Variants in SMOC1 observed in about 807,000 individuals in gnomAD.
SMOC1 encodes the protein SPARC-related modular calcium-binding protein 1.
A neutral mutation model predicts 56.3 loss-of-function variants in SMOC1; 22 were observed. That is an observed-to-expected ratio of 0.39 (90% CI 0.28 to 0.56). The LOEUF (loss-of-function observed/expected upper bound fraction) is 0.56. Among genes scored for constraint, SMOC1 ranks in the 20% least tolerant of loss-of-function variants. The pLI, the probability that SMOC1 is intolerant of heterozygous loss-of-function variation, is 0.61. For synonymous variants in SMOC1, 193 were observed against 215.0 expected, an observed-to-expected ratio of 0.90 and a Z score of 0.89; for missense variants, 509 against 565.4, an observed-to-expected ratio of 0.90 and a Z score of 1.01.
chr14:69,992,486 A>G lies in SMOC1; in HGVS notation c.583+13A>G. Reference sequence around the variant, plus strand: ...TTCGATGGAGATGGTAAGATCTTGCATTACTTCTGATGTTCATTCTCCCAC... The same window carrying G: ...TTCGATGGAGATGGTAAGATCTTGCGTTACTTCTGATGTTCATTCTCCCAC... On this transcript the variant is annotated intron_variant, in intron 6 of 11. Coordinates refer to ENST00000361956, the MANE Select transcript of SMOC1 (RefSeq NM_001034852.3). 6.3e-7 allele frequency: 1 copy of G among 1,597,764 alleles called. No individual in the cohort carries two copies. Among genetic ancestry groups the G allele is most frequent in the Non-Finnish European group, 8.6e-7 (1 of 1,165,006 alleles).
intron 1 of SMOC1, among the ~76,000 whole-genome samples, chr14:69,883,354 A>G (rs1190185532): frequency 6.6e-6 from 1 of 152,116 alleles, no homozygotes; most frequent in Admixed American, 6.5e-5. Context: ...CAATTTTTTT[A>G]GATTCCACAT....
intron 1 of SMOC1, among the ~76,000 whole-genome samples, chr14:69,911,519 C>G (rs1594797825): frequency 6.6e-6 from 1 of 152,182 alleles, no homozygotes; most frequent in East Asian, 1.9e-4. Flanking sequence ...TTCATTGACT[C>G]CCTCTACCTT....
In SMOC1 at chr14:69,883,033, A is replaced by G. The variant is rs570392293; in HGVS notation, c.99+3256A>G. 2.0e-5 allele frequency among the ~76,000 whole-genome samples: 3 copies of G among 152,340 alleles called. No homozygotes were observed. In the South Asian group the frequency reaches 6.2e-4, roughly 32 times the overall value. The stretch of plus-strand genomic sequence containing the variant: ...AAATTTGACAGATAGCATTGTATGT[A>G]TTTATTGTGCACAATATGATGTTTT... On this transcript the variant is annotated intron_variant, in intron 1 of 11. Coordinates refer to ENST00000361956, the MANE Select transcript of SMOC1 (RefSeq NM_001034852.3).
chr14:69,954,465 G>A (rs1423511872), intron 3 of SMOC1, among the ~76,000 whole-genome samples: 2 of 152,134 alleles, frequency 1.3e-5, no homozygotes, highest in Non-Finnish European at 2.9e-5. Flanking sequence ...ATCACACCTG[G>A]CCTTGGCACA....
chr14:69,886,228 A>C, intron 1 of SMOC1: 1 of 687,882 alleles, frequency 1.5e-6, no homozygotes. Context: ...TCCTGCAGTG[A>C]GCATCTTAAT....
intron 1 of SMOC1, chr14:69,885,348 G>A: frequency 1.3e-6 from 2 of 1,584,240 alleles, no homozygotes; most frequent in Non-Finnish European, 1.7e-6. Context: ...ATTTAACCCA[G>A]TTTAGTGGCA....
At chr14:69,886,694 T>A (rs1883819115) in intron 1 of SMOC1, among the ~76,000 whole-genome samples, 1 of 152,172 alleles carries the variant, frequency 6.6e-6, no homozygotes, top group African/African-American at 2.4e-5. Context: ...CATCCCAGCA[T>A]CTGGTCCAGG....
chr14:70,023,431 G>A lies in SMOC1; in HGVS notation c.1275G>A (p.Leu425=). The A allele has an allele frequency of 1.2e-6, 2 of 1,613,940 alleles. No homozygotes were observed. Among genetic ancestry groups the A allele is most frequent in the Non-Finnish European group, 8.5e-7 (1 of 1,180,032 alleles). Residue 425 remains leucine (L), a synonymous_variant, in exon 11 of 12, where the codon CTG becomes CTA. Transcript: ENST00000361956. ...CACTGCCTGAGCTGAAGGGCTGCCT[G>A]GGTGTTAGCAAAGAAGGTGAGTGCT... is the stretch of plus-strand genomic sequence containing the variant. The part of the protein sequence containing the change: ...VISLPELKGC[L]GVSKEVGRLV
At chr14:69,942,494 T>G (rs182807857) in intron 1 of SMOC1, among the ~76,000 whole-genome samples, 2 of 152,352 alleles carry the variant, frequency 1.3e-5, no homozygotes, top group Admixed American at 1.3e-4. Context: ...TTAACAAATT[T>G]ATATAGTTGT....
chr14:69,906,829 TGAAA>T (rs1364078801), intron 1 of SMOC1, among the ~76,000 whole-genome samples: 1 of 152,084 alleles, frequency 6.6e-6, no homozygotes, highest in Non-Finnish European at 1.5e-5. Context: ...AAGATTGCCA[TGAAA>T]GAGAGGAATG....
chr14:69,969,275 T>C (rs1883675478), intron 3 of SMOC1, among the ~76,000 whole-genome samples: 1 of 152,176 alleles, frequency 6.6e-6, no homozygotes, highest in African/African-American at 2.4e-5. Flanking sequence ...TATAAAGAAA[T>C]ACTGGAGACT....
intron 6 of SMOC1, 30 bp from the exon 7 acceptor site, chr14:69,994,370 C>A (rs753246858): frequency 2.5e-6 from 4 of 1,576,448 alleles, no homozygotes; most frequent in Non-Finnish European, 2.6e-6. Context: ...TTTGCCCAGA[C>A]TTTTTCTCTC....
At chr14:69,918,795 G>T (rs2139361553) in intron 1 of SMOC1, among the ~76,000 whole-genome samples, 1 of 152,282 alleles carries the variant, frequency 6.6e-6, no homozygotes, top group African/African-American at 2.4e-5. Context: ...TTTCATAGCT[G>T]CCCAGCTGCC....
intron 1 of SMOC1, among the ~76,000 whole-genome samples, chr14:69,928,932 T>C (rs1434464789): frequency 6.6e-6 from 1 of 152,182 alleles, no homozygotes; most frequent in Non-Finnish European, 1.5e-5. Context: ...GCTGGGATAT[T>C]GGACAGGGAA....
At chr14:69,885,142 C>A (rs1883760241) in intron 1 of SMOC1, among the ~76,000 whole-genome samples, 1 of 151,736 alleles carries the variant, frequency 6.6e-6, no homozygotes, top group South Asian at 2.1e-4. Flanking sequence ...TTTGTTATTT[C>A]TTCTCTCACC....
chr14:69,956,222 G>A (rs1883179576), intron 3 of SMOC1, among the ~76,000 whole-genome samples: 1 of 152,218 alleles, frequency 6.6e-6, no homozygotes, highest in Admixed American at 6.5e-5. Flanking sequence ...TGTGTCTGTA[G>A]GCTGAAGGCT....
chr14:69,943,090 G>A (rs1327788177), intron 1 of SMOC1, among the ~76,000 whole-genome samples: 1 of 152,184 alleles, frequency 6.6e-6, no homozygotes, highest in Non-Finnish European at 1.5e-5. Context: ...AGGGGGTGGT[G>A]GTGGGGTGAT....
chr14:69,954,290 C>T (rs1243018372), intron 3 of SMOC1, among the ~76,000 whole-genome samples: 1 of 152,120 alleles, frequency 6.6e-6, no homozygotes, highest in African/African-American at 2.4e-5. Flanking sequence ...GCAATCCTTC[C>T]ACCCACACCT....
intron 5 of SMOC1, among the ~76,000 whole-genome samples, chr14:69,982,102 T>C (rs1425858471): frequency 6.6e-6 from 1 of 152,222 alleles, no homozygotes; most frequent in Non-Finnish European, 1.5e-5. Flanking sequence ...CTGTGATAAA[T>C]GGCAAGTGAA....
Sources: allele counts gnomAD v4.1 joint callset (sites outside exome capture counted in the v4.1 genomes callset), GRCh38; gene constraint gnomAD v4.1.1; transcripts MANE v1.5; gene names NCBI Gene and HGNC (gene_info 2026-07-23, HGNC 2026-07-21).